The following SNTB1 variants were observed in gnomAD, a reference collection of about 807,000 sequenced individuals.
SNTB1 encodes beta-1-syntrophin.
A neutral mutation model predicts 48.9 loss-of-function variants in SNTB1; 36 were observed. The ratio of observed to expected loss-of-function variants is 0.74; its 90% CI spans 0.56 to 0.97. The LOEUF is 0.97. Among genes scored for constraint, SNTB1 ranks in the 50% least tolerant of loss-of-function variants. The pLI is 0.00. For missense variants in SNTB1, 786 were observed against 703.4 expected, an observed-to-expected ratio of 1.12 and a Z score of -1.33; for synonymous variants, 299 against 294.6, an observed-to-expected ratio of 1.01 and a Z score of -0.15.
At chr8:120,556,136 A>G (rs1490192121) in intron 4 of SNTB1, among the ~76,000 whole-genome samples, 1 of 152,220 alleles carries the variant, frequency 6.6e-6, no homozygotes. Flanking sequence ...GACACAGCTT[A>G]AAAGGAGAAA....
At chr8:120,666,798 A>G (rs993066121) in intron 2 of SNTB1, among the ~76,000 whole-genome samples, 3 of 152,090 alleles carry the variant, frequency 2.0e-5, no homozygotes, top group Admixed American at 6.6e-5. Flanking sequence ...TCTATGTTTC[A>G]TTAGGAATAG....
At chr8:120,795,246 TA>T (rs34797724) in intron 1 of SNTB1, among the ~76,000 whole-genome samples, 22,430 of 145,416 alleles carry the variant, frequency 0.15, 2,764 homozygotes, top group African/African-American at 0.35. Context: ...GTGGAGAAGT[TA>T]AAAAAAAAAA....
At chr8:120,612,575 T>C (rs1023590096) in intron 3 of SNTB1, among the ~76,000 whole-genome samples, 1 of 152,136 alleles carries the variant, frequency 6.6e-6, no homozygotes, top group Non-Finnish European at 1.5e-5. Flanking sequence ...TTTTTTGAGA[T>C]GGAGTTTTGA....
chr8:120,597,479 G>A (rs1029382864), intron 3 of SNTB1, among the ~76,000 whole-genome samples: 1 of 152,210 alleles, frequency 6.6e-6, no homozygotes, highest in Non-Finnish European at 1.5e-5. Flanking sequence ...TTGTTCCATA[G>A]CCAGGGTTCC....
intron 2 of SNTB1, among the ~76,000 whole-genome samples, chr8:120,642,954 A>G (rs1817221218): frequency 6.6e-6 from 1 of 152,202 alleles, no homozygotes; most frequent in Non-Finnish European, 1.5e-5. Context: ...AACATCTGTT[A>G]TCTCACAGTA....
intron 4 of SNTB1, among the ~76,000 whole-genome samples, chr8:120,567,695 A>G (rs1212276073): frequency 6.6e-6 from 1 of 152,112 alleles, no homozygotes; most frequent in Admixed American, 6.5e-5. Flanking sequence ...TCCTGGGATT[A>G]CAGCCCAGCT....
At chr8:120,709,624 G>C (rs1818431542) in intron 1 of SNTB1, among the ~76,000 whole-genome samples, 1 of 152,138 alleles carries the variant, frequency 6.6e-6, no homozygotes, top group South Asian at 2.1e-4. Context: ...ACAGTTTACA[G>C]ATGAAGACAC....
rs764008790 is a variant in SNTB1 at position 120,551,725 on chromosome 8, CAA to C, written c.1137-2769_1137-2768del. On this transcript the variant is annotated intron_variant, in intron 4 of 6. Transcript: ENST00000517992. ...TGAGCGACAGAGTGAGACTCCATCT[CAA>C]AAAAAAAAAAAAAAAAAAAAAAGTA... Among the ~76,000 whole-genome samples, 226 of 42,802 alleles carry C rather than the reference CAA, an allele frequency of 5.3e-3. 1 individual carries two copies. The highest frequency in any genetic ancestry group is 0.043 in the East Asian group (76 of 1,752). The allele number at this position is 42,802 out of a possible 152,430, so 28.1% of individuals were successfully genotyped here.
intron 1 of SNTB1, among the ~76,000 whole-genome samples, chr8:120,750,983 G>C (rs4871122): frequency 6.6e-6 from 1 of 151,802 alleles, no homozygotes. Context: ...CTATTATGAC[G>C]TTGTCTTCTA....
chr8:120,600,271 T>G (rs1310933210), intron 3 of SNTB1, among the ~76,000 whole-genome samples: 2 of 152,218 alleles, frequency 1.3e-5, no homozygotes, highest in African/African-American at 2.4e-5. Flanking sequence ...ACTGCGCCCC[T>G]GGGATCCAGC....
At chr8:120,715,924 C>A (rs1818547801) in intron 1 of SNTB1, among the ~76,000 whole-genome samples, 1 of 152,132 alleles carries the variant, frequency 6.6e-6, no homozygotes, top group Non-Finnish European at 1.5e-5. Context: ...TGAAGAGAAC[C>A]AGCTGATATC....
At chr8:120,737,708 C>A (rs1305530841) in intron 1 of SNTB1, among the ~76,000 whole-genome samples, 2 of 152,180 alleles carry the variant, frequency 1.3e-5, no homozygotes, top group African/African-American at 2.4e-5. Flanking sequence ...TCAGCATGCT[C>A]TCCACCTACC....
intron 1 of SNTB1, among the ~76,000 whole-genome samples, chr8:120,743,026 AAAAGT>A (rs998247980): frequency 6.6e-6 from 1 of 152,210 alleles, no homozygotes; most frequent in African/African-American, 2.4e-5. Flanking sequence ...ATATTTAGAA[AAAAGT>A]AAAGTGAGGT....
At chr8:120,751,631 T>C (rs58328371) in intron 1 of SNTB1, among the ~76,000 whole-genome samples, 19,756 of 152,148 alleles carry the variant, frequency 0.13, 1,665 homozygotes, top group African/African-American at 0.23. Flanking sequence ...AGCTTCCTTC[T>C]AATGAACTAT....
At chr8:120,729,812 A>C (rs1818821971) in intron 1 of SNTB1, among the ~76,000 whole-genome samples, 1 of 152,226 alleles carries the variant, frequency 6.6e-6, no homozygotes. Flanking sequence ...TGCCACTGAA[A>C]AACATGCCAA....
chr8:120,552,192 A>G (rs768154679), intron 4 of SNTB1, among the ~76,000 whole-genome samples: 10 of 152,214 alleles, frequency 6.6e-5, no homozygotes, highest in Non-Finnish European at 1.2e-4. Context: ...AGTAAATAAT[A>G]ACTGGGAAAA....
intron 3 of SNTB1, among the ~76,000 whole-genome samples, chr8:120,579,499 G>T (rs1280006096): frequency 2.2e-4 from 34 of 152,242 alleles, no homozygotes; most frequent in Non-Finnish European, 8.8e-5. Context: ...CAACATGGTG[G>T]AAACTCTGTC....
chr8:120,620,242 T>C (rs1332354662), intron 3 of SNTB1, among the ~76,000 whole-genome samples: 1 of 152,216 alleles, frequency 6.6e-6, no homozygotes, highest in Non-Finnish European at 1.5e-5. Context: ...CTGGATTACA[T>C]TTATTGGATG....
At position 120,548,784 on chromosome 8, in the gene SNTB1, T is replaced by C. The variant is rs1815426775; in HGVS notation, c.1311A>G (p.Glu437=). ...CACCAGTGCTGATTTCAGCAATGAGTTCAGCAGAATTGTGGCAACCCTGTA... is the reference window on the plus strand; with the variant it reads ...CACCAGTGCTGATTTCAGCAATGAGCTCAGCAGAATTGTGGCAACCCTGTA... The part of the protein sequence containing the change: ...SIVQGCHNSA[E]LIAEISTACT... The change falls in exon 5 of 7, where the codon GAA becomes GAG. Residue 437 remains glutamate, a synonymous_variant. Coordinates refer to ENST00000517992, the MANE Select transcript of SNTB1 (RefSeq NM_021021.4). The C allele has an allele frequency of 2.5e-6, 4 of 1,613,780 alleles. No homozygotes were observed. The highest frequency in any genetic ancestry group is 2.2e-5 in the South Asian group (2 of 91,070).
Sources: gnomAD v4.1 joint callset for allele counts (sites outside exome capture counted in the v4.1 genomes callset) on GRCh38, gnomAD v4.1.1 for gene constraint, MANE v1.5 for transcripts, NCBI Gene and HGNC (gene_info 2026-07-23, HGNC 2026-07-21) for gene names.